The following TRIM2 variants were observed in gnomAD, a reference collection of about 807,000 sequenced individuals.
TRIM2 encodes the protein tripartite motif containing 2, also known as tripartite motif-containing protein 2.
In TRIM2, 20 loss-of-function variants were observed where a neutral mutation model predicts 75.2. The observed-to-expected ratio is 0.27, with a 90% confidence interval of 0.19 to 0.39. TRIM2 has a LOEUF of 0.39. Ranked by LOEUF, TRIM2 falls within the 10% of genes least tolerant of loss-of-function variation. The pLI is 1.00. For missense variants in TRIM2, 660 were observed against 990.8 expected (o/e 0.67, Z 4.48); for synonymous variants, 373 against 388.3 (o/e 0.96, Z 0.46).
intron 1 of TRIM2, among the ~76,000 whole-genome samples, chr4:153,156,353 A>C (rs6817434): frequency 0.44 from 67,274 of 152,022 alleles, 16,070 homozygotes; most frequent in Non-Finnish European, 0.55. Context: ...GGATTGTTTG[A>C]ATAAAGGAAC....
At position 153,244,283 on chromosome 4, in the gene TRIM2, C is replaced by T. The variant is rs991076109; in HGVS notation, c.31-26052C>T. The stretch of plus-strand genomic sequence containing the variant: ...CCTCCTCCTCCTCCTCCTCCTCCTC[C>T]TCCTCCTCCTCCTCCTCCTCCTCCT... On this transcript the variant is annotated intron_variant, in intron 1 of 11. Transcript: ENST00000338700. Among the ~76,000 whole-genome samples, 82 of 26,484 alleles carry T rather than the reference C, an allele frequency of 3.1e-3. 5 individuals carry two copies. Among genetic ancestry groups the T allele is most frequent in the Admixed American group, 4.4e-3 (12 of 2,744 alleles). The allele number at this position is 26,484 out of a possible 152,430, so 17.4% of individuals were successfully genotyped here. A position where few individuals can be genotyped will look rare whatever the true frequency, so the allele number is the denominator to read the frequency against.
chr4:153,286,662 T>C (rs1171284409), intron 3 of TRIM2, among the ~76,000 whole-genome samples: 1 of 152,088 alleles, frequency 6.6e-6, no homozygotes, highest in African/African-American at 2.4e-5. Flanking sequence ...ATGATGTCAG[T>C]AGTAATTTCC....
At chr4:153,244,418 TTCTTCTTCTTC>T (rs1560875560) in intron 1 of TRIM2, among the ~76,000 whole-genome samples, 4 of 84,302 alleles carry the variant, frequency 4.7e-5, no homozygotes, top group Non-Finnish European at 7.2e-5. Flanking sequence ...CTTCTTCTTC[TTCTTCTTCTTC>T]TTCTTCTTTT....
In TRIM2 at chr4:153,336,426, A is replaced by T. The variant is rs1489450282; in HGVS notation, c.*1460A>T. ...AAAATAAAAGTTGAACTTGAGTTAC[A>T]TTTAATTTAAATATAAATGCATTTT... On this transcript the variant is annotated 3_prime_UTR_variant, in exon 12 of 12. Transcript: ENST00000338700. The T allele has an allele frequency of 4.1e-6, 4 of 984,952 alleles. No homozygotes were observed. Among genetic ancestry groups the T allele is most frequent in the African/African-American group, 1.7e-5 (1 of 57,216 alleles). 61.0% of individuals were successfully genotyped at this position (984,952 alleles called of 1,614,324 possible).
chr4:153,329,780 T>C (rs974047538), intron 11 of TRIM2, among the ~76,000 whole-genome samples: 1 of 151,388 alleles, frequency 6.6e-6, no homozygotes, highest in Non-Finnish European at 1.5e-5. Context: ...GAGGCTTCAG[T>C]GAGCCAAGAT....
At chr4:153,256,837 C>T (rs188025056) in intron 1 of TRIM2, among the ~76,000 whole-genome samples, 9 of 152,246 alleles carry the variant, frequency 5.9e-5, no homozygotes, top group East Asian at 1.9e-4. Flanking sequence ...TTTGTGGAAC[C>T]GTACTTTATA....
chr4:153,264,951 AAACTT>A (rs1754549003), intron 1 of TRIM2, among the ~76,000 whole-genome samples: 2 of 152,206 alleles, frequency 1.3e-5, no homozygotes, highest in African/African-American at 4.8e-5. Flanking sequence ...GTTAAGGAGT[AAACTT>A]AATTAATTTA....
chr4:153,244,355 C>CTTCTTCCTCTTCTTCTTCTTCTTCT (rs1748079616), intron 1 of TRIM2, among the ~76,000 whole-genome samples: 1 of 12,712 alleles, frequency 7.9e-5, no homozygotes, highest in East Asian at 2.0e-3. Flanking sequence ...CTTCTTCTTC[C>CTTCTTCCTCTTCTTCTTCTTCTTCT]TCTTCTTCTT....
At chr4:153,207,523 A>G (rs1240565015) in intron 1 of TRIM2, among the ~76,000 whole-genome samples, 1 of 152,234 alleles carries the variant, frequency 6.6e-6, no homozygotes, top group African/African-American at 2.4e-5. Context: ...AAATGTGGTC[A>G]TGCATCAAAG....
At chr4:153,317,622 C>A (rs1224235754) in intron 8 of TRIM2, among the ~76,000 whole-genome samples, 1 of 149,956 alleles carries the variant, frequency 6.7e-6, no homozygotes, top group Non-Finnish European at 1.5e-5. Flanking sequence ...TGCACTCCAG[C>A]CTGGGCGACA....
Position 153,338,953 on chromosome 4 carries a change from GTT to G in TRIM2, c.*3998_*3999del, listed in dbSNP as rs71598263. On this transcript the variant is annotated 3_prime_UTR_variant, in exon 12 of 12. Transcript: ENST00000338700. Reference sequence around the variant, plus strand: ...CAAGCCTATGTATGAATATGAAGGGGTTTTTTTTTTTTGCTTTGTTTTCTTTT... The same window carrying G: ...CAAGCCTATGTATGAATATGAAGGGGTTTTTTTTTTGCTTTGTTTTCTTTT... 1,201 of 839,092 alleles carry G rather than the reference GTT, an allele frequency of 1.4e-3. 12 individuals are homozygous for G. In the African/African-American group the frequency reaches 0.02, roughly 14 times the overall value. The allele number at this position is 839,092 out of a possible 1,614,324, so 52.0% of individuals were successfully genotyped here. A position where few individuals can be genotyped will look rare whatever the true frequency, so the allele number is the denominator to read the frequency against.
intron 6 of TRIM2, chr4:153,308,233 T>G (rs1765460177): frequency 4.0e-6 from 6 of 1,518,916 alleles, no homozygotes; most frequent in Non-Finnish European, 4.6e-6. Flanking sequence ...TCTGCTCTTC[T>G]ACCCTTTGCC....
chr4:153,246,175 C>T (rs959974707), intron 1 of TRIM2, among the ~76,000 whole-genome samples: 8 of 152,198 alleles, frequency 5.3e-5, no homozygotes, highest in Admixed American at 1.3e-4. Context: ...TGCCAGGCAA[C>T]GTGCTAAGCA....
chr4:153,262,865 C>T (rs1220238648), intron 1 of TRIM2, among the ~76,000 whole-genome samples: 1 of 152,168 alleles, frequency 6.6e-6, no homozygotes, highest in Non-Finnish European at 1.5e-5. Flanking sequence ...ATGTCAGATT[C>T]CTTTCACTGT....
At chr4:153,308,261 G>T (rs1207230530) in intron 6 of TRIM2, 15 of 1,552,472 alleles carry the variant, frequency 9.7e-6, no homozygotes, top group African/African-American at 1.4e-5. Context: ...CCATCAGCTT[G>T]CAGAAGTCAC....
At chr4:153,239,746 C>A (rs1309967951) in intron 1 of TRIM2, among the ~76,000 whole-genome samples, 1 of 151,940 alleles carries the variant, frequency 6.6e-6, no homozygotes, top group East Asian at 1.9e-4. Context: ...ATATACATGT[C>A]TCCTTTGTTC....
At chr4:153,259,881 A>G (rs1039596647) in intron 1 of TRIM2, among the ~76,000 whole-genome samples, 1 of 152,248 alleles carries the variant, frequency 6.6e-6, no homozygotes, top group Non-Finnish European at 1.5e-5. Flanking sequence ...GCATCACTGC[A>G]GGAAACAGAT....
chr4:153,154,807 T>G (rs1729073918), intron 1 of TRIM2, among the ~76,000 whole-genome samples: 1 of 152,194 alleles, frequency 6.6e-6, no homozygotes, highest in African/African-American at 2.4e-5. Flanking sequence ...TTGATGTCTG[T>G]CTGCCTCAAA....
In TRIM2 at chr4:153,294,227, C is replaced by T. The variant is rs141967029; in HGVS notation, c.606-78C>T. Reference sequence around the variant, plus strand: ...ATGAAAGGCATAGAATTTTTTTAAACAAAATGTAGTGTTTAGATAGATTTT... The same window carrying T: ...ATGAAAGGCATAGAATTTTTTTAAATAAAATGTAGTGTTTAGATAGATTTT... On this transcript the variant is annotated intron_variant, in intron 4 of 11. Transcript: ENST00000338700. The T allele has an allele frequency of 1.8e-3, 2,658 of 1,464,276 alleles. 39 individuals carry two copies. The African/African-American group carries it at 0.033, about 18-fold the overall frequency. 90.7% of individuals were successfully genotyped at this position (1,464,276 alleles called of 1,614,324 possible). A position where few individuals can be genotyped will look rare whatever the true frequency, so the allele number is the denominator to read the frequency against.
Sources: gnomAD v4.1 joint callset for allele counts (sites outside exome capture counted in the v4.1 genomes callset) on GRCh38, gnomAD v4.1.1 for gene constraint, MANE v1.5 for transcripts, NCBI Gene and HGNC (gene_info 2026-07-23, HGNC 2026-07-21) for gene names.